KCNT2: variants seen among roughly 807,000 people sequenced by gnomAD.
KCNT2 encodes potassium channel subfamily T member 2.
A neutral mutation model predicts 153.8 loss-of-function variants in KCNT2; 67 were observed. That is an observed-to-expected ratio of 0.44 (90% CI 0.36 to 0.53). KCNT2 has a LOEUF of 0.53. Among genes scored for constraint, KCNT2 ranks in the 20% least tolerant of loss-of-function variants. KCNT2 has a pLI of 0.00. For missense variants in KCNT2, 975 were observed against 1,354.8 expected (o/e 0.72, Z 4.40); for synonymous variants, 500 against 458.8 (o/e 1.09, Z -1.15).
At position 196,305,874 on chromosome 1, in the gene KCNT2, G is replaced by T. The variant is rs186722632; in HGVS notation, c.2484-529C>A. 2.6e-5 allele frequency among the ~76,000 whole-genome samples: 4 copies of T among 152,124 alleles called. No individual in the cohort carries two copies. The East Asian group carries it at 7.8e-4, about 30-fold the overall frequency. Reference sequence around the variant, plus strand: ...ATGTAAAACTTCATTGTAATTAATTGGGGCCAAGGCTAAAGCATTGATAGT... The same window carrying T: ...ATGTAAAACTTCATTGTAATTAATTTGGGCCAAGGCTAAAGCATTGATAGT... On this transcript the variant is annotated intron_variant, in intron 21 of 27. Coordinates refer to ENST00000294725, the MANE Select transcript of KCNT2 (RefSeq NM_198503.5).
At chr1:196,536,840 C>CCATGAATAGTGGGGAAT (rs1239337177) in intron 1 of KCNT2, among the ~76,000 whole-genome samples, 1 of 152,130 alleles carries the variant, frequency 6.6e-6, no homozygotes, top group Non-Finnish European at 1.5e-5. Context: ...TCCATGAATA[C>CCATGAATAGTGGGGAAT]ACCCATCCCA....
chr1:196,504,191 G>A (rs376624369), intron 1 of KCNT2, among the ~76,000 whole-genome samples: 6 of 151,542 alleles, frequency 4.0e-5, no homozygotes, highest in South Asian at 2.1e-4. Flanking sequence ...CCATTAACGC[G>A]TCATCTAGCA....
chr1:196,458,459 C>T (rs183416254), intron 8 of KCNT2, among the ~76,000 whole-genome samples: 92 of 151,884 alleles, frequency 6.1e-4, no homozygotes, highest in East Asian at 4.5e-3. Context: ...TTTGTTGTTA[C>T]GTAATTCTAA....
At chr1:196,538,410 A>G (rs1019736166) in intron 1 of KCNT2, among the ~76,000 whole-genome samples, 6 of 152,158 alleles carry the variant, frequency 3.9e-5, no homozygotes, top group African/African-American at 1.4e-4. Context: ...AGTGGTGGGT[A>G]GCTGGAAAAA....
intron 22 of KCNT2, among the ~76,000 whole-genome samples, chr1:196,302,561 T>C (rs1194287194): frequency 6.6e-6 from 1 of 152,136 alleles, no homozygotes; most frequent in African/African-American, 2.4e-5. Flanking sequence ...CTATCTTCTG[T>C]TTCCCTTCAC....
chr1:196,559,427 T>C (rs1331038334), intron 1 of KCNT2, among the ~76,000 whole-genome samples: 1 of 151,730 alleles, frequency 6.6e-6, no homozygotes. Context: ...AGTTTTATGC[T>C]GTTATAAATG....
chr1:196,240,839 C>T (rs1316937164), intron 26 of KCNT2, among the ~76,000 whole-genome samples: 1 of 151,972 alleles, frequency 6.6e-6, no homozygotes, highest in Non-Finnish European at 1.5e-5. Flanking sequence ...TGGTATGAAA[C>T]AATTTTACAT....
At chr1:196,281,330 G>A (rs1426991818) in intron 24 of KCNT2, among the ~76,000 whole-genome samples, 1 of 152,172 alleles carries the variant, frequency 6.6e-6, no homozygotes, top group Non-Finnish European at 1.5e-5. Context: ...TTCGTTATCA[G>A]TAGGCAATAG....
At chr1:196,540,007 T>C (rs190072758) in intron 1 of KCNT2, among the ~76,000 whole-genome samples, 2 of 152,202 alleles carry the variant, frequency 1.3e-5, no homozygotes. Flanking sequence ...AACAAGGGTA[T>C]GATCAAATTT....
At chr1:196,525,877 T>C (rs1275740989) in intron 1 of KCNT2, among the ~76,000 whole-genome samples, 1 of 152,230 alleles carries the variant, frequency 6.6e-6, no homozygotes. Context: ...AACAGACATA[T>C]ACATAAAACA....
chr1:196,425,755 A>G, intron 11 of KCNT2, 97 bp downstream of exon 11: 1 of 1,250,910 alleles, frequency 8.0e-7, no homozygotes, highest in Non-Finnish European at 1.2e-6. Flanking sequence ...ACTTTAACAC[A>G]TCTTGCAACA....
chr1:196,552,295 A>C (rs1043817038), intron 1 of KCNT2, among the ~76,000 whole-genome samples: 4 of 151,532 alleles, frequency 2.6e-5, no homozygotes, highest in Non-Finnish European at 5.9e-5. Context: ...GTTTTTAAAA[A>C]GAGGAATTAC....
chr1:196,493,931 T>C (rs894158988), intron 1 of KCNT2, among the ~76,000 whole-genome samples: 8 of 152,224 alleles, frequency 5.3e-5, no homozygotes, highest in Middle Eastern at 3.2e-3. Flanking sequence ...TTCTCTTTAG[T>C]TAATACCTTC....
rs539820813 is a variant in KCNT2, at chr1:196,603,079, C to T, written c.95+5136G>A. 5.5e-4 allele frequency among the ~76,000 whole-genome samples: 83 copies of T among 152,232 alleles called. 1 individual carries two copies. Among genetic ancestry groups the T allele is most frequent in the African/African-American group, 2.0e-3 (82 of 41,532 alleles). On this transcript the variant is annotated intron_variant, in intron 1 of 27. Coordinates refer to ENST00000294725, the MANE Select transcript of KCNT2 (RefSeq NM_198503.5). ...GGGATTACAGGCGTGAGCCACCGCG[C>T]CCGGCCCAAAGTCTATTTTTTATAC... is the stretch of plus-strand genomic sequence containing the variant.
chr1:196,429,524 T>A, intron 9 of KCNT2, 53 bp downstream of exon 9: 1 of 1,201,034 alleles, frequency 8.3e-7, no homozygotes, highest in East Asian at 2.5e-5. Flanking sequence ...ATGTGGAGGA[T>A]TCAATTTCAT....
intron 19 of KCNT2, among the ~76,000 whole-genome samples, chr1:196,322,055 A>G (rs1558143301): frequency 1.3e-5 from 2 of 151,934 alleles, no homozygotes; most frequent in Non-Finnish European, 2.9e-5. Context: ...CTAAAACTAG[A>G]TGTCCTTTTC....
intron 8 of KCNT2, among the ~76,000 whole-genome samples, chr1:196,444,986 A>G (rs374192685): frequency 6.6e-6 from 1 of 151,400 alleles, no homozygotes; most frequent in East Asian, 1.9e-4. Flanking sequence ...ATTCAGTCTA[A>G]AAGGATTTTC....
chr1:196,453,572 T>A (rs1192145920), intron 8 of KCNT2, among the ~76,000 whole-genome samples: 1 of 151,980 alleles, frequency 6.6e-6, no homozygotes, highest in African/African-American at 2.4e-5. Context: ...CAGTCTGACT[T>A]CTCAGATTGT....
chr1:196,316,502 A>T (rs1030342672), intron 20 of KCNT2, among the ~76,000 whole-genome samples: 4 of 151,708 alleles, frequency 2.6e-5, no homozygotes, highest in African/African-American at 9.7e-5. Flanking sequence ...TGAAATGTTT[A>T]TTTTTAAATG....
Sources: gnomAD v4.1 joint callset for allele counts (sites outside exome capture counted in the v4.1 genomes callset) on GRCh38, gnomAD v4.1.1 for gene constraint, MANE v1.5 for transcripts, NCBI Gene and HGNC (gene_info 2026-07-23, HGNC 2026-07-21) for gene names.